COLGALT2: variants seen among roughly 807,000 people sequenced by gnomAD.
The protein encoded by COLGALT2 is procollagen galactosyltransferase 2.
COLGALT2 carries 49 observed loss-of-function variants against 73.4 expected under a neutral mutation model. The observed-to-expected ratio is 0.67, with a 90% CI of 0.53 to 0.85. The LOEUF (loss-of-function observed/expected upper bound fraction) is 0.85, where lower values mean the gene tolerates loss of function less well. COLGALT2 is among the 40% of genes least tolerant of loss of function. The pLI, the probability that COLGALT2 is intolerant of heterozygous loss-of-function variation, is 0.00. For synonymous variants in COLGALT2, 295 were observed against 307.6 expected (o/e 0.96, Z 0.43); for missense variants, 722 against 790.2 (o/e 0.91, Z 1.03).
chr1:183,966,963 G>T (rs1670893209), intron 5 of COLGALT2, among the ~76,000 whole-genome samples: 1 of 152,206 alleles, frequency 6.6e-6, no homozygotes, highest in South Asian at 2.1e-4. Flanking sequence ...CTGGGACATA[G>T]ATGATACACA....
intron 8 of COLGALT2, among the ~76,000 whole-genome samples, chr1:183,946,804 G>A (rs982395255): frequency 2.0e-5 from 3 of 152,166 alleles, no homozygotes; most frequent in Non-Finnish European, 4.4e-5. Context: ...GGCCGAGGTG[G>A]GCAGATCAGA....
At chr1:183,945,655 C>T in intron 8 of COLGALT2, 91 bp from the exon 9 acceptor site, 2 of 1,443,950 alleles carry the variant, frequency 1.4e-6, no homozygotes, top group Middle Eastern at 2.4e-4. Flanking sequence ...TGCAAACACC[C>T]CTCCCCCACA....
At chr1:184,034,818 T>C (rs2102865189) in intron 1 of COLGALT2, among the ~76,000 whole-genome samples, 2 of 152,354 alleles carry the variant, frequency 1.3e-5, no homozygotes, top group Admixed American at 1.3e-4. Flanking sequence ...ACATTTCTTC[T>C]TCTGGGAAAT....
chr1:183,941,654 C>T (rs1034148114), intron 10 of COLGALT2, among the ~76,000 whole-genome samples: 2 of 152,156 alleles, frequency 1.3e-5, no homozygotes, highest in African/African-American at 4.8e-5. Flanking sequence ...CAAGGGATTC[C>T]CCCTTGTGAA....
chr1:184,015,789 C>T (rs181419681), intron 1 of COLGALT2, among the ~76,000 whole-genome samples: 174 of 152,258 alleles, frequency 1.1e-3, no homozygotes, highest in African/African-American at 4.1e-3. Flanking sequence ...CACAGAACAC[C>T]TTGTGGTGTA....
rs565170629 is a variant in COLGALT2 at position 183,936,398 on chromosome 1, C to T, written c.*2363G>A. 2.4e-5 allele frequency: 24 copies of T among 985,908 alleles called. No homozygotes were observed. In the African/African-American group the frequency reaches 3.5e-4, roughly 14 times the overall value. 61.1% of individuals were successfully genotyped at this position (985,908 alleles called of 1,614,324 possible). A position where few individuals can be genotyped will look rare whatever the true frequency, so the allele number is the denominator to read the frequency against. ...TAGACCTGAGCAGGGAGAAACAAACCGGGCTAAAGGAGACAGAACTTTCTT... is the reference window on the plus strand; with the variant it reads ...TAGACCTGAGCAGGGAGAAACAAACTGGGCTAAAGGAGACAGAACTTTCTT... On this transcript the variant is annotated 3_prime_UTR_variant, in exon 12 of 12. Coordinates refer to ENST00000361927, the MANE Select transcript of COLGALT2 (RefSeq NM_015101.4).
intron 6 of COLGALT2, among the ~76,000 whole-genome samples, chr1:183,958,908 A>C (rs1344391463): frequency 2.0e-5 from 3 of 151,590 alleles, no homozygotes; most frequent in African/African-American, 7.3e-5. Flanking sequence ...CTTTCCCTTG[A>C]CCTCTTACCC....
Position 183,939,053 on chromosome 1 carries a change from T to TACTC in COLGALT2, c.1605-17_1605-16insGAGT. On this transcript the variant is annotated splice_polypyrimidine_tract_variant and intron_variant, in intron 11 of 11. Coordinates refer to ENST00000361927, the MANE Select transcript of COLGALT2 (RefSeq NM_015101.4). ...GTACTCGGCTCTGAAAACAAGAAGG[T>TACTC]GGCCGGACACATGAGGGGGCGGAAA... The TACTC allele has an allele frequency of 6.3e-7, 1 of 1,599,758 alleles. No individual in the cohort carries two copies. The highest frequency in any genetic ancestry group is 2.2e-5 in the East Asian group (1 of 44,602).
chr1:183,962,992 C>T (rs1046820237), intron 6 of COLGALT2, among the ~76,000 whole-genome samples: 8 of 152,182 alleles, frequency 5.3e-5, no homozygotes, highest in African/African-American at 1.4e-4. Context: ...CGTTCACACC[C>T]CCGTGCTCTA....
At chr1:184,028,583 C>T (rs1057413035) in intron 1 of COLGALT2, among the ~76,000 whole-genome samples, 4 of 152,192 alleles carry the variant, frequency 2.6e-5, no homozygotes, top group African/African-American at 4.8e-5. Flanking sequence ...ATGTATCCCT[C>T]AATAGGTCTT....
rs1432858784 is a variant in COLGALT2, at chr1:183,937,425, T to A, written c.*1336A>T. On this transcript the variant is annotated 3_prime_UTR_variant, in exon 12 of 12. Coordinates refer to ENST00000361927, the MANE Select transcript of COLGALT2 (RefSeq NM_015101.4). ...AACTCTGCATTTTACATAAAATCAA[T>A]CTGTGAAGAAAGCAGAAAGGACTCT... 3.0e-6 allele frequency: 3 copies of A among 987,538 alleles called. No homozygotes were observed. The highest frequency in any genetic ancestry group is 3.6e-6 in the Non-Finnish European group (3 of 831,548). 61.2% of individuals were successfully genotyped at this position (987,538 alleles called of 1,614,324 possible).
intron 6 of COLGALT2, among the ~76,000 whole-genome samples, chr1:183,960,866 T>C (rs1488753045): frequency 6.6e-6 from 1 of 152,230 alleles, no homozygotes; most frequent in Non-Finnish European, 1.5e-5. Context: ...AGTCAAAATA[T>C]TGGACACCCC....
At chr1:184,007,854 A>G (rs1445112800) in intron 1 of COLGALT2, among the ~76,000 whole-genome samples, 1 of 152,210 alleles carries the variant, frequency 6.6e-6, no homozygotes, top group Non-Finnish European at 1.5e-5. Context: ...ATCTTTCTCA[A>G]TAAAAATCTC....
rs1054737524 is a variant in COLGALT2, at chr1:183,937,677, C to T, written c.*1084G>A. 7 of 985,456 alleles carry T rather than the reference C, an allele frequency of 7.1e-6. No homozygotes were observed. Among genetic ancestry groups the T allele is most frequent in the Non-Finnish European group, 8.4e-6 (7 of 829,942 alleles). The allele number at this position is 985,456 out of a possible 1,614,324, so 61.0% of individuals were successfully genotyped here. A position where few individuals can be genotyped will look rare whatever the true frequency, so the allele number is the denominator to read the frequency against. On this transcript the variant is annotated 3_prime_UTR_variant, in exon 12 of 12. Transcript: ENST00000361927. The stretch of plus-strand genomic sequence containing the variant: ...ATTGCCGAACCAATGTGTCCACACC[C>T]ACCACTCCCCCGGGTGCCGTGGAAG...
chr1:184,023,587 C>T (rs535000050), intron 1 of COLGALT2, among the ~76,000 whole-genome samples: 1 of 150,860 alleles, frequency 6.6e-6, no homozygotes, highest in South Asian at 2.1e-4. Flanking sequence ...TATCGTTTCC[C>T]ATCACAATGG....
At chr1:183,977,140 T>C (rs1671217144) in intron 2 of COLGALT2, among the ~76,000 whole-genome samples, 1 of 152,162 alleles carries the variant, frequency 6.6e-6, no homozygotes, top group Admixed American at 6.5e-5. Context: ...TTTGACTGTA[T>C]GGTATGTAGG....
intron 1 of COLGALT2, among the ~76,000 whole-genome samples, chr1:184,030,901 C>T (rs114478904): frequency 0.015 from 2,314 of 152,306 alleles, 53 homozygotes; most frequent in African/African-American, 0.052. Flanking sequence ...CCATGGGAAT[C>T]TCTTAACTGC....
At chr1:183,972,220 C>A (rs866761283) in intron 4 of COLGALT2, among the ~76,000 whole-genome samples, 1 of 152,210 alleles carries the variant, frequency 6.6e-6, no homozygotes, top group East Asian at 1.9e-4. Context: ...ATACTCCCTG[C>A]TCAGCCTCCC....
rs2296711 is a variant in COLGALT2 at position 183,940,396 on chromosome 1, G to A, written c.1604+185C>T. 0.23 allele frequency among the ~76,000 whole-genome samples: 34,616 copies of A among 152,114 alleles called. 4,578 individuals carry two copies. Among genetic ancestry groups the A allele is most frequent in the East Asian group, 0.48 (2,486 of 5,182 alleles). ...TCTGGGCAGGACACTCACCATCTCT[G>A]CCTCACCTTCCCATCTGTACAAAGG... is the stretch of plus-strand genomic sequence containing the variant. On this transcript the variant is annotated intron_variant, in intron 11 of 11. Transcript: ENST00000361927.
Sources: allele counts gnomAD v4.1 joint callset (sites outside exome capture counted in the v4.1 genomes callset), GRCh38; gene constraint gnomAD v4.1.1; transcripts MANE v1.5; gene names NCBI Gene and HGNC (gene_info 2026-07-23, HGNC 2026-07-21).